The following ENTREP2 variants were observed in gnomAD, a reference collection of about 807,000 sequenced individuals.
The protein encoded by ENTREP2 is protein ENTREP2.
the ENTREP2 span, among the ~76,000 whole-genome samples, chr15:29,621,537 A>C: frequency 6.8e-6 from 1 of 146,944 alleles, no homozygotes; most frequent in Non-Finnish European, 1.5e-5. Context: ...AAAAAAAAAA[A>C]AAAAAAAAAA....
the ENTREP2 span, among the ~76,000 whole-genome samples, chr15:29,460,100 T>A: frequency 2.7e-5 from 4 of 150,594 alleles, no homozygotes; most frequent in South Asian, 2.1e-4. Flanking sequence ...CATTTTTTTT[T>A]TAATAGCTGG....
chr15:29,225,366 G>A, the ENTREP2 span, among the ~76,000 whole-genome samples: 2 of 152,342 alleles, frequency 1.3e-5, no homozygotes, highest in East Asian at 3.9e-4. Context: ...ACTGACTTTC[G>A]GGGATCTCCC....
chr15:29,467,914 A>G, the ENTREP2 span, among the ~76,000 whole-genome samples: 3 of 152,142 alleles, frequency 2.0e-5, no homozygotes, highest in East Asian at 5.8e-4. Context: ...CCACCCAGCA[A>G]TCATGGCTAG....
At chr15:29,269,888 G>A in the ENTREP2 span, 4 of 559,298 alleles carry the variant, frequency 7.2e-6, no homozygotes, top group Non-Finnish European at 8.8e-6. Flanking sequence ...GCGCGGCTGC[G>A]GCGGGTACCA....
the ENTREP2 span, among the ~76,000 whole-genome samples, chr15:29,410,847 A>G: frequency 6.6e-6 from 1 of 152,168 alleles, no homozygotes; most frequent in East Asian, 1.9e-4. Flanking sequence ...GTGCAGTGGC[A>G]CAATCTCAGC....
chr15:29,300,172 A>G, the ENTREP2 span, among the ~76,000 whole-genome samples: 1 of 141,292 alleles, frequency 7.1e-6, no homozygotes, highest in Non-Finnish European at 1.5e-5. Flanking sequence ...GGATGGATGG[A>G]TGGATGGATG....
chr15:29,341,955 C>T, the ENTREP2 span, among the ~76,000 whole-genome samples: 8 of 152,108 alleles, frequency 5.3e-5, no homozygotes, highest in Admixed American at 2.0e-4. Context: ...AGCTTTCAGA[C>T]GACTTTTTAT....
the ENTREP2 span, among the ~76,000 whole-genome samples, chr15:29,530,829 C>T: frequency 1.3e-5 from 2 of 152,232 alleles, no homozygotes; most frequent in Admixed American, 6.5e-5. Flanking sequence ...GCAAAAACAT[C>T]ATGACAAAGG....
At chr15:29,212,681 T>G in the ENTREP2 span, among the ~76,000 whole-genome samples, 2 of 152,222 alleles carry the variant, frequency 1.3e-5, no homozygotes, top group Non-Finnish European at 2.9e-5. Context: ...TTTGACAGTT[T>G]GTGTCATTAT....
the ENTREP2 span, among the ~76,000 whole-genome samples, chr15:29,473,246 C>T: frequency 1.3e-5 from 2 of 152,056 alleles, no homozygotes; most frequent in Admixed American, 6.5e-5. Flanking sequence ...CCTTTCCCCT[C>T]TCTGGCTACA....
At chr15:29,328,740 G>T in the ENTREP2 span, among the ~76,000 whole-genome samples, 1 of 152,186 alleles carries the variant, frequency 6.6e-6, no homozygotes, top group Non-Finnish European at 1.5e-5. Context: ...GCTGGAGTGG[G>T]AACAGGGGAG....
chr15:29,587,174 T>TATGA, the ENTREP2 span, among the ~76,000 whole-genome samples: 2 of 151,172 alleles, frequency 1.3e-5, no homozygotes, highest in Non-Finnish European at 3.0e-5. Flanking sequence ...TGTGTGTGTG[T>TATGA]GTGTGTGTGT....
At chr15:29,278,124 C>A in the ENTREP2 span, among the ~76,000 whole-genome samples, 1 of 151,698 alleles carries the variant, frequency 6.6e-6, no homozygotes, top group South Asian at 2.1e-4. Context: ...CCCACCCCCA[C>A]CCCACTGCAG....
At chr15:29,362,029 A>T in the ENTREP2 span, among the ~76,000 whole-genome samples, 1 of 152,158 alleles carries the variant, frequency 6.6e-6, no homozygotes, top group Non-Finnish European at 1.5e-5. Context: ...GATCACAGGA[A>T]AATCACTCCA....
chr15:29,586,915 T>C, the ENTREP2 span, among the ~76,000 whole-genome samples: 1 of 152,138 alleles, frequency 6.6e-6, no homozygotes, highest in Non-Finnish European at 1.5e-5. Flanking sequence ...TCTGGTAGTA[T>C]TAGTATTAGC....
the ENTREP2 span, chr15:29,123,363 G>C: frequency 6.5e-7 from 1 of 1,541,868 alleles, no homozygotes; most frequent in South Asian, 1.2e-5. Flanking sequence ...GAACGTCAGC[G>C]CCGAAGACGG....
the ENTREP2 span, among the ~76,000 whole-genome samples, chr15:29,211,967 G>T: frequency 6.6e-6 from 1 of 152,106 alleles, no homozygotes; most frequent in Non-Finnish European, 1.5e-5. Context: ...CCTGGTTTTG[G>T]TATTAGGGTG....
chr15:29,409,886 C>T, the ENTREP2 span, among the ~76,000 whole-genome samples: 2 of 152,200 alleles, frequency 1.3e-5, no homozygotes, highest in African/African-American at 4.8e-5. Flanking sequence ...ATAGCTCAAA[C>T]GTTGAATGAC....
chr15:29,570,660 G>A, the ENTREP2 span: 3 of 1,307,776 alleles, frequency 2.3e-6, no homozygotes, highest in Non-Finnish European at 2.9e-6. Flanking sequence ...CACTCGCGCA[G>A]GCGGGACAGG....
Sources: gnomAD v4.1 joint callset for allele counts (sites outside exome capture counted in the v4.1 genomes callset) on GRCh38, gnomAD v4.1.1 for gene constraint, MANE v1.5 for transcripts, NCBI Gene and HGNC (gene_info 2026-07-23, HGNC 2026-07-21) for gene names.